DGKI: variants seen among roughly 807,000 people sequenced by gnomAD.
DGKI encodes DAG kinase iota.
Under a neutral mutation model 147.5 loss-of-function variants are expected in DGKI, and 55 were observed. The ratio of observed to expected loss-of-function variants is 0.37; its 90% CI spans 0.30 to 0.47. The LOEUF (loss-of-function observed/expected upper bound fraction) is 0.47. Among genes scored for constraint, DGKI ranks in the 20% least tolerant of loss-of-function variants. The probability of loss-of-function intolerance (pLI) is 1.00; values close to 1 mark genes in which losing one functional copy is unlikely to be tolerated. For synonymous variants in DGKI, 469 were observed against 477.1 expected (o/e 0.98, Z 0.22); for missense variants, 1,007 against 1,323.8 (o/e 0.76, Z 3.71).
intron 5 of DGKI, 27 bp downstream of exon 5, chr7:137,654,705 C>T: frequency 6.6e-7 from 1 of 1,508,428 alleles, no homozygotes; most frequent in Non-Finnish European, 9.2e-7. Context: ...AAAGGTGATA[C>T]TTGAAATCAA....
chr7:137,708,092 A>T (rs1023346084), intron 1 of DGKI, among the ~76,000 whole-genome samples: 6 of 152,164 alleles, frequency 3.9e-5, no homozygotes, highest in Admixed American at 1.3e-4. Context: ...CTTGTGGCCT[A>T]TTCCTGCCTG....
intron 1 of DGKI, among the ~76,000 whole-genome samples, chr7:137,817,204 C>T (rs1797765041): frequency 6.6e-6 from 1 of 152,156 alleles, no homozygotes. Context: ...CACCCCTCTT[C>T]AGCTGAACAA....
At chr7:137,470,300 T>A (rs539635524) in intron 23 of DGKI, among the ~76,000 whole-genome samples, 1 of 152,234 alleles carries the variant, frequency 6.6e-6, no homozygotes, top group South Asian at 2.1e-4. Flanking sequence ...ACCTCCCAAT[T>A]TCCCCTCTCC....
chr7:137,660,985 A>G (rs1009766597), intron 3 of DGKI, among the ~76,000 whole-genome samples: 2 of 152,148 alleles, frequency 1.3e-5, no homozygotes, highest in African/African-American at 4.8e-5. Flanking sequence ...CAAGGTAAGT[A>G]AAATTAAATA....
rs535840823 is a variant in DGKI, at chr7:137,812,587, T to C, written c.401+33875A>G. Among the ~76,000 whole-genome samples the C allele has an allele frequency of 7.9e-5, 12 of 152,314 alleles. No homozygotes were observed. The East Asian group carries it at 2.3e-3, about 29-fold the overall frequency. ...TCATCACTGTAACTAAAATTTGATA[T>C]CTTAATGCATAAATGGCAGTATTCC... On this transcript the variant is annotated intron_variant, in intron 1 of 32. Coordinates refer to ENST00000614521, the MANE Select transcript of DGKI (RefSeq NM_001321708.2).
chr7:137,452,531 G>A (rs1452737903), intron 27 of DGKI, among the ~76,000 whole-genome samples: 5 of 152,180 alleles, frequency 3.3e-5, no homozygotes, highest in South Asian at 2.1e-4. Flanking sequence ...AGCAGCACAC[G>A]TATGTCCACA....
At chr7:137,757,211 C>T (rs746874287) in intron 1 of DGKI, among the ~76,000 whole-genome samples, 11 of 151,912 alleles carry the variant, frequency 7.2e-5, no homozygotes, top group South Asian at 2.1e-4. Context: ...TCCCCCACCC[C>T]ACTTCAGGAA....
chr7:137,720,284 G>C, intron 1 of DGKI, among the ~76,000 whole-genome samples: 1 of 120,046 alleles, frequency 8.3e-6, no homozygotes, highest in Non-Finnish European at 1.7e-5. Flanking sequence ...TTGAGACAGA[G>C]TCTCGCTCTT....
At chr7:137,581,804 C>T (rs1392048839) in intron 15 of DGKI, 46 bp downstream of exon 15, 1 of 1,525,022 alleles carries the variant, frequency 6.6e-7, no homozygotes, top group Non-Finnish European at 9.1e-7. Context: ...AAAACACCTG[C>T]TAGAAACTTC....
At chr7:137,526,015 G>A (rs949546757) in intron 20 of DGKI, among the ~76,000 whole-genome samples, 56 of 152,016 alleles carry the variant, frequency 3.7e-4, no homozygotes, top group African/African-American at 1.3e-3. Flanking sequence ...GGGGAGTCGG[G>A]GGAAGTGCAT....
intron 28 of DGKI, among the ~76,000 whole-genome samples, chr7:137,414,581 C>G (rs1375293272): frequency 2.7e-5 from 4 of 150,722 alleles, no homozygotes; most frequent in Admixed American, 2.6e-4. Flanking sequence ...TCTCACTCTT[C>G]CTTTTATAAA....
chr7:137,657,567 G>A (rs984194598), intron 3 of DGKI, among the ~76,000 whole-genome samples: 2 of 152,170 alleles, frequency 1.3e-5, no homozygotes, highest in African/African-American at 4.8e-5. Flanking sequence ...AGACTGGAAG[G>A]AGGATTTGTA....
At chr7:137,434,121 A>G (rs1813188911) in intron 28 of DGKI, among the ~76,000 whole-genome samples, 1 of 149,336 alleles carries the variant, frequency 6.7e-6, no homozygotes, top group Admixed American at 6.7e-5. Flanking sequence ...TCCATCTCAA[A>G]AAAAAAAAAA....
intron 8 of DGKI, among the ~76,000 whole-genome samples, chr7:137,612,621 GCTTATCCTGC>G (rs1215083857): frequency 2.0e-5 from 3 of 152,018 alleles, no homozygotes; most frequent in African/African-American, 4.8e-5. Context: ...CTACAGGATC[GCTTATCCTGC>G]CTGGGTCAGT....
At chr7:137,612,596 C>T (rs940656340) in intron 8 of DGKI, among the ~76,000 whole-genome samples, 27 of 152,048 alleles carry the variant, frequency 1.8e-4, no homozygotes, top group African/African-American at 5.1e-4. Context: ...AAATAAATCA[C>T]CTACTCTTGA....
At chr7:137,827,459 C>G (rs1382834396) in intron 1 of DGKI, among the ~76,000 whole-genome samples, 1 of 152,192 alleles carries the variant, frequency 6.6e-6, no homozygotes, top group Non-Finnish European at 1.5e-5. Flanking sequence ...CCACTGTATC[C>G]TTTCTCATGC....
chr7:137,415,380 C>T (rs903950737), intron 28 of DGKI, among the ~76,000 whole-genome samples: 2 of 152,120 alleles, frequency 1.3e-5, no homozygotes, highest in African/African-American at 2.4e-5. Flanking sequence ...CTAAAGACGA[C>T]TTGAAGTGTA....
chr7:137,794,106 T>C (rs544060722), intron 1 of DGKI, among the ~76,000 whole-genome samples: 4 of 152,302 alleles, frequency 2.6e-5, no homozygotes, highest in South Asian at 2.1e-4. Context: ...CAAGACATAA[T>C]GCATGTCCCC....
intron 2 of DGKI, among the ~76,000 whole-genome samples, 158 bp from the exon 3 acceptor site, chr7:137,678,810 G>A (rs143207650): frequency 3.3e-5 from 5 of 152,190 alleles, no homozygotes; most frequent in African/African-American, 1.2e-4. Context: ...TGATTCTCCC[G>A]AAATTCTAAA....
Sources: allele counts gnomAD v4.1 joint callset (sites outside exome capture counted in the v4.1 genomes callset), GRCh38; gene constraint gnomAD v4.1.1; transcripts MANE v1.5; gene names NCBI Gene and HGNC (gene_info 2026-07-23, HGNC 2026-07-21).